NRXN1: variants seen among roughly 807,000 people sequenced by gnomAD.
NRXN1 encodes the protein neurexin-1.
NRXN1 carries 39 observed loss-of-function variants against 150.9 expected under a neutral mutation model. The ratio of observed to expected loss-of-function variants is 0.26; its 90% CI spans 0.20 to 0.34. NRXN1 has a LOEUF of 0.34. Ranked by LOEUF, NRXN1 falls within the 10% of genes least tolerant of loss-of-function variation. The pLI is 1.00. For synonymous variants in NRXN1, 924 were observed against 757.0 expected (o/e 1.22, Z -3.62); for missense variants, 1,815 against 1,949.9 (o/e 0.93, Z 1.30).
At chr2:50,383,164 A>G (rs545721837) in intron 17 of NRXN1, among the ~76,000 whole-genome samples, 12 of 152,294 alleles carry the variant, frequency 7.9e-5, no homozygotes, top group Non-Finnish European at 1.3e-4. Flanking sequence ...ATCCCAACTT[A>G]GGTCTTCCTG....
intron 18 of NRXN1, among the ~76,000 whole-genome samples, chr2:50,113,886 G>C (rs1483569730): frequency 6.6e-6 from 1 of 152,078 alleles, no homozygotes; most frequent in African/African-American, 2.4e-5. Flanking sequence ...TCAATGGTCA[G>C]TTAATTTTTA....
At chr2:50,709,890 T>A (rs1025690630) in intron 5 of NRXN1, among the ~76,000 whole-genome samples, 4 of 152,180 alleles carry the variant, frequency 2.6e-5, no homozygotes, top group Non-Finnish European at 4.4e-5. Context: ...AAGAATTCAA[T>A]TAGAATGAAG....
At chr2:50,491,515 G>A (rs753815300) in intron 15 of NRXN1, among the ~76,000 whole-genome samples, 2 of 152,156 alleles carry the variant, frequency 1.3e-5, no homozygotes, top group Non-Finnish European at 2.9e-5. Context: ...TAGGAAGGTT[G>A]AGGAGGAGAT....
At chr2:50,486,841 G>A (rs931764800) in intron 15 of NRXN1, among the ~76,000 whole-genome samples, 5 of 152,114 alleles carry the variant, frequency 3.3e-5, no homozygotes, top group African/African-American at 1.2e-4. Flanking sequence ...AGATCCAAAT[G>A]AGCCTTATGA....
At chr2:50,191,528 G>A (rs1262621352) in intron 18 of NRXN1, among the ~76,000 whole-genome samples, 1 of 152,078 alleles carries the variant, frequency 6.6e-6, no homozygotes, top group Non-Finnish European at 1.5e-5. Context: ...ATACAGAACT[G>A]ATTCCATCAT....
At chr2:50,583,570 C>T (rs542388160) in intron 8 of NRXN1, among the ~76,000 whole-genome samples, 2 of 152,266 alleles carry the variant, frequency 1.3e-5, no homozygotes, top group South Asian at 4.1e-4. Context: ...TTGTATCTTA[C>T]TGCCTAGCAC....
In NRXN1 at chr2:50,494,217, C is replaced by T. The variant is rs999902621; in HGVS notation, c.3070+1688G>A. On this transcript the variant is annotated intron_variant, in intron 15 of 22. Transcript: ENST00000401669. ...GGCTGTACATGCCACATACTTCAAC[C>T]AATTATAAACTGCTTTTTTTTTAGC... Among the ~76,000 whole-genome samples the T allele has an allele frequency of 2.2e-4, 33 of 152,282 alleles. No individual in the cohort carries two copies. In the South Asian group the frequency reaches 6.6e-3, roughly 31 times the overall value.
chr2:50,872,161 T>C (rs868418117), intron 5 of NRXN1, among the ~76,000 whole-genome samples: 5 of 152,022 alleles, frequency 3.3e-5, no homozygotes, highest in Admixed American at 6.6e-5. Flanking sequence ...CTTTTATATA[T>C]TTTTCATATT....
At position 50,374,161 on chromosome 2, in the gene NRXN1, G is replaced by A. The variant is rs187499398; in HGVS notation, c.3364+91281C>T. Among the ~76,000 whole-genome samples the A allele has an allele frequency of 2.0e-3, 298 of 151,882 alleles. 2 individuals carry two copies. The highest frequency in any genetic ancestry group is 4.7e-3 in the Admixed American group (71 of 15,228). On this transcript the variant is annotated intron_variant, in intron 17 of 22. Transcript: ENST00000401669. Reference sequence around the variant, plus strand: ...GAAGAAAAAAAAATAGCCGGCTGTAGTGGGGGCACACCTGTAGTCCCAGCT... The same window carrying A: ...GAAGAAAAAAAAATAGCCGGCTGTAATGGGGGCACACCTGTAGTCCCAGCT...
In NRXN1 at chr2:50,728,393, G is replaced by A. The variant is rs544801660; in HGVS notation, c.833-104778C>T. Among the ~76,000 whole-genome samples, 5 of 152,228 alleles carry A rather than the reference G, an allele frequency of 3.3e-5. No individual in the cohort carries two copies. The East Asian group carries it at 9.7e-4, about 29-fold the overall frequency. The stretch of plus-strand genomic sequence containing the variant: ...CAAAATTTAAGGACTGGCTTTCTGA[G>A]TTTGAATTGCACACAAAGTATTCAA... On this transcript the variant is annotated intron_variant, in intron 5 of 22. Transcript: ENST00000401669.
intron 2 of NRXN1, among the ~76,000 whole-genome samples, chr2:50,954,317 G>T (rs1431678249): frequency 6.6e-6 from 1 of 152,076 alleles, no homozygotes; most frequent in Non-Finnish European, 1.5e-5. Flanking sequence ...TCTTTTGAAG[G>T]GATGGCGTTA....
chr2:50,610,755 T>G lies in NRXN1; in HGVS notation c.1320+9267A>C. ...CTAGAACATAGCTTGTAATTATATT[T>G]ATATATATATATATATGTATATATA... On this transcript the variant is annotated intron_variant, in intron 8 of 22. Transcript: ENST00000401669. 3.6e-5 allele frequency among the ~76,000 whole-genome samples: 4 copies of G among 112,332 alleles called. No individual in the cohort carries two copies. In the Middle Eastern group the frequency reaches 0.012, roughly 334 times the overall value. The allele number at this position is 112,332 out of a possible 152,430, so 73.7% of individuals were successfully genotyped here.
chr2:50,502,664 T>C (rs1284329335), intron 13 of NRXN1, among the ~76,000 whole-genome samples: 1 of 152,094 alleles, frequency 6.6e-6, no homozygotes, highest in African/African-American at 2.4e-5. Flanking sequence ...CATATGAAAG[T>C]ATGGAATGGG....
chr2:50,132,306 C>CTTTTTTTT (rs71401059), intron 18 of NRXN1, among the ~76,000 whole-genome samples: 1 of 139,358 alleles, frequency 7.2e-6, no homozygotes, highest in African/African-American at 2.7e-5. Flanking sequence ...TCCCAAAACT[C>CTTTTTTTT]TTTTTTTTTT....
chr2:50,290,334 T>C (rs1165230093), intron 17 of NRXN1, among the ~76,000 whole-genome samples: 1 of 152,160 alleles, frequency 6.6e-6, no homozygotes, highest in African/African-American at 2.4e-5. Context: ...ATTTATTCAA[T>C]TGGGTTTGCT....
intron 18 of NRXN1, among the ~76,000 whole-genome samples, chr2:50,127,330 C>T (rs576921093): frequency 6.6e-6 from 1 of 152,156 alleles, no homozygotes; most frequent in Admixed American, 6.5e-5. Flanking sequence ...ATCAGCCAAA[C>T]TCAAAGTATT....
intron 2 of NRXN1, among the ~76,000 whole-genome samples, chr2:51,000,164 A>G (rs979128797): frequency 1.3e-5 from 2 of 151,958 alleles, no homozygotes; most frequent in Non-Finnish European, 2.9e-5. Context: ...CACATGGAGT[A>G]TTCTCGCTCA....
intron 22 of NRXN1, among the ~76,000 whole-genome samples, chr2:49,925,046 C>CTT (rs1378428556): frequency 6.6e-6 from 1 of 152,006 alleles, no homozygotes; most frequent in African/African-American, 2.4e-5. Context: ...AATCCCAGCA[C>CTT]TTTGGGAGGC....
At chr2:50,001,663 G>A (rs950942475) in intron 21 of NRXN1, among the ~76,000 whole-genome samples, 3 of 152,154 alleles carry the variant, frequency 2.0e-5, no homozygotes, top group South Asian at 2.1e-4. Context: ...AGGTAAAAAC[G>A]AAATGGGTTA....
Sources: gnomAD v4.1 joint callset for allele counts (sites outside exome capture counted in the v4.1 genomes callset) on GRCh38, gnomAD v4.1.1 for gene constraint, MANE v1.5 for transcripts, NCBI Gene and HGNC (gene_info 2026-07-23, HGNC 2026-07-21) for gene names.